The following NUBPL variants were observed in gnomAD, a reference collection of about 807,000 sequenced individuals.
The protein encoded by NUBPL is iron-sulfur cluster transfer protein NUBPL.
In NUBPL, 31 loss-of-function variants were observed where a neutral mutation model predicts 45.7. The ratio of observed to expected loss-of-function variants is 0.68; its 90% CI spans 0.51 to 0.92. The LOEUF is 0.92. Ranked by LOEUF, NUBPL falls within the 40% of genes least tolerant of loss-of-function variation. NUBPL has a pLI of 0.00. For synonymous variants in NUBPL, 144 were observed against 140.9 expected (o/e 1.02, Z -0.15); for missense variants, 401 against 398.7 (o/e 1.01, Z -0.05).
chr14:31,622,681 C>T (rs1357875869), intron 4 of NUBPL, among the ~76,000 whole-genome samples: 1 of 152,214 alleles, frequency 6.6e-6, no homozygotes, highest in Non-Finnish European at 1.5e-5. Context: ...TGGCAGCTTC[C>T]ACATGCTGTT....
At position 31,802,940 on chromosome 14, in the gene NUBPL, G is replaced by T. The variant is rs567722516; in HGVS notation, c.607+15067G>T. Reference sequence around the variant, plus strand: ...TGAAAGGCATTTATTGTTTGTGAAAGGTGTCAGGCCTATTGTCACAGTGAC... The same window carrying T: ...TGAAAGGCATTTATTGTTTGTGAAATGTGTCAGGCCTATTGTCACAGTGAC... On this transcript the variant is annotated intron_variant, in intron 7 of 10. Coordinates refer to ENST00000281081, the MANE Select transcript of NUBPL (RefSeq NM_025152.3). 6.6e-5 allele frequency among the ~76,000 whole-genome samples: 10 copies of T among 152,258 alleles called. No homozygotes were observed. In the South Asian group the frequency reaches 1.9e-3, roughly 28 times the overall value.
chr14:31,701,883 A>C (rs2037348244), intron 6 of NUBPL, among the ~76,000 whole-genome samples: 1 of 152,204 alleles, frequency 6.6e-6, no homozygotes, highest in Admixed American at 6.5e-5. Context: ...ATTACTTTCA[A>C]ATCATTTTTA....
chr14:31,803,613 A>G (rs1157970711), intron 7 of NUBPL, among the ~76,000 whole-genome samples: 1 of 152,196 alleles, frequency 6.6e-6, no homozygotes, highest in Non-Finnish European at 1.5e-5. Flanking sequence ...GACTTTTTTC[A>G]AGCACACCGT....
At chr14:31,800,099 GT>G (rs145229942) in intron 7 of NUBPL, among the ~76,000 whole-genome samples, 7,671 of 152,202 alleles carry the variant, frequency 0.05, 247 homozygotes, top group African/African-American at 0.074. Context: ...TTCCTTATCT[GT>G]TCAGGTTTGA....
At chr14:31,607,797 A>G (rs976693672) in intron 4 of NUBPL, among the ~76,000 whole-genome samples, 4 of 152,176 alleles carry the variant, frequency 2.6e-5, no homozygotes, top group African/African-American at 7.2e-5. Context: ...AAGAGGGAAA[A>G]GAAAGAGCTA....
intron 6 of NUBPL, among the ~76,000 whole-genome samples, chr14:31,740,759 T>C (rs1184905562): frequency 1.3e-5 from 2 of 152,224 alleles, no homozygotes. Flanking sequence ...TCATCTTTTG[T>C]AGTTGTATCA....
At chr14:31,682,218 G>A (rs2036850958) in intron 6 of NUBPL, among the ~76,000 whole-genome samples, 1 of 151,938 alleles carries the variant, frequency 6.6e-6, no homozygotes, top group Non-Finnish European at 1.5e-5. Flanking sequence ...ACTCTCATAT[G>A]TTTTGAATTG....
intron 4 of NUBPL, among the ~76,000 whole-genome samples, chr14:31,672,621 C>A (rs1042059605): frequency 1.3e-5 from 2 of 152,036 alleles, no homozygotes; most frequent in Non-Finnish European, 2.9e-5. Flanking sequence ...CACCACCATG[C>A]CCAGCTAATT....
At chr14:31,641,944 A>G (rs771204800) in intron 4 of NUBPL, among the ~76,000 whole-genome samples, 2 of 152,170 alleles carry the variant, frequency 1.3e-5, no homozygotes, top group Non-Finnish European at 2.9e-5. Context: ...GATGTTGAAC[A>G]TTTTAAAAAT....
chr14:31,858,027 T>C (rs1434396454), intron 10 of NUBPL, among the ~76,000 whole-genome samples: 2 of 152,186 alleles, frequency 1.3e-5, no homozygotes, highest in South Asian at 2.1e-4. Context: ...CTGGGCAGTT[T>C]ACAAAAGAAA....
chr14:31,658,895 A>G (rs1332464192), intron 4 of NUBPL, among the ~76,000 whole-genome samples: 1 of 152,180 alleles, frequency 6.6e-6, no homozygotes, highest in Non-Finnish European at 1.5e-5. Flanking sequence ...CACTTACTTT[A>G]CTAATCAAGG....
intron 4 of NUBPL, among the ~76,000 whole-genome samples, chr14:31,639,410 G>A (rs949570597): frequency 1.3e-5 from 2 of 152,174 alleles, no homozygotes; most frequent in African/African-American, 2.4e-5. Flanking sequence ...TTCGTGAACC[G>A]CAAATGCTGC....
chr14:31,731,978 G>A lies in NUBPL; in HGVS notation c.514-55802G>A, dbSNP rs144288946. Among the ~76,000 whole-genome samples, 5 of 151,932 alleles carry A rather than the reference G, an allele frequency of 3.3e-5. No individual in the cohort carries two copies. The South Asian group carries it at 6.2e-4, about 19-fold the overall frequency. ...AGGACTTTGAGAGGCCGAGGCGGGC[G>A]GATCACGAGGTCAGGAGAGCTAGAC... On this transcript the variant is annotated intron_variant, in intron 6 of 10. Transcript: ENST00000281081.
intron 4 of NUBPL, among the ~76,000 whole-genome samples, chr14:31,635,336 T>C (rs540007836): frequency 0.012 from 1,822 of 152,330 alleles, 29 homozygotes; most frequent in African/African-American, 0.034. Flanking sequence ...GCACCATTTA[T>C]TAAATAGGGA....
At chr14:31,724,935 A>C (rs1396876053) in intron 6 of NUBPL, among the ~76,000 whole-genome samples, 1 of 152,130 alleles carries the variant, frequency 6.6e-6, no homozygotes, top group Non-Finnish European at 1.5e-5. Flanking sequence ...GGAGTGAGCC[A>C]TCCAGGTATT....
chr14:31,589,735 C>T (rs76650262), intron 3 of NUBPL, among the ~76,000 whole-genome samples: 7,189 of 152,180 alleles, frequency 0.047, 216 homozygotes, highest in Admixed American at 0.066. Flanking sequence ...ACTGCTCCCC[C>T]GTCCAACCCC....
chr14:31,752,214 A>G (rs1206672169), intron 6 of NUBPL, among the ~76,000 whole-genome samples: 1 of 152,212 alleles, frequency 6.6e-6, no homozygotes, highest in East Asian at 1.9e-4. Context: ...TCCCTAAAAA[A>G]TGGGTTTTTC....
At chr14:31,825,994 C>G (rs1239659529) in intron 7 of NUBPL, among the ~76,000 whole-genome samples, 4 of 150,944 alleles carry the variant, frequency 2.6e-5, no homozygotes, top group Non-Finnish European at 5.9e-5. Context: ...GGCTATTGGA[C>G]TATTAATTTG....
intron 8 of NUBPL, chr14:31,845,548 GT>G (rs1227954241): frequency 6.6e-6 from 1 of 152,224 alleles, no homozygotes; most frequent in African/African-American, 2.4e-5. Flanking sequence ...GTAATCCCAG[GT>G]ACTCGGGAGG....
Sources: allele counts gnomAD v4.1 joint callset (sites outside exome capture counted in the v4.1 genomes callset), GRCh38; gene constraint gnomAD v4.1.1; transcripts MANE v1.5; gene names NCBI Gene and HGNC (gene_info 2026-07-23, HGNC 2026-07-21).